Variants in ARID3C observed in about 807,000 individuals in gnomAD.
ARID3C encodes AT-rich interaction domain 3C.
A neutral mutation model predicts 37.9 loss-of-function variants in ARID3C; 42 were observed. The ratio of observed to expected loss-of-function variants is 1.11; its 90% CI spans 0.87 to 1.43. ARID3C has a LOEUF of 1.43. Among genes scored for constraint, ARID3C ranks in the 40% most tolerant of loss-of-function variants. ARID3C has a pLI of 0.00. For synonymous variants in ARID3C, 213 were observed against 228.0 expected, an observed-to-expected ratio of 0.93 and a Z score of 0.59; for missense variants, 581 against 548.8, an observed-to-expected ratio of 1.06 and a Z score of -0.59.
exon 6 of ARID3C, chr9:34,622,047 G>A: frequency 1.2e-6 from 2 of 1,614,100 alleles, no homozygotes; most frequent in Non-Finnish European, 8.5e-7. Flanking sequence ...TTGATCTCTA[G>A]GGCCATGTTG....
chr9:34,624,020 A>T (rs1395850120), exon 3 of ARID3C: 5 of 1,597,922 alleles, frequency 3.1e-6, no homozygotes, highest in Non-Finnish European at 4.3e-6. Flanking sequence ...CTGCTTCGCC[A>T]TGATGGGCAC....
At chr9:34,623,014 C>T (rs1587214725) in intron 4 of ARID3C, among the ~76,000 whole-genome samples, 2 of 151,874 alleles carry the variant, frequency 1.3e-5, no homozygotes, top group African/African-American at 4.8e-5. Context: ...GGCATGGTGG[C>T]GGGCCCCTGT....
chr9:34,622,332 C>T lies in ARID3C; in HGVS notation c.1048+15G>A. ...GTACAGTCCCGAAGCCCCCTCACAA[C>T]AAGCCCCTCCTCACCCCTCAGGGGA... On this transcript the variant is annotated intron_variant, in intron 5 of 6. Transcript: ENST00000378909. 1 of 1,594,718 alleles carries T rather than the reference C, an allele frequency of 6.3e-7. No individual in the cohort carries two copies. The highest frequency in any genetic ancestry group is 1.1e-5 in the South Asian group (1 of 87,614).
At chr9:34,622,376 A>T in exon 5 of ARID3C, 1 of 1,612,760 alleles carries the variant, frequency 6.2e-7, no homozygotes, top group Non-Finnish European at 8.5e-7. Flanking sequence ...ACGGGGCAGG[A>T]AACTGGGGGG....
At chr9:34,624,384 G>A (rs1237175549) in intron 2 of ARID3C, among the ~76,000 whole-genome samples, 2 of 152,364 alleles carry the variant, frequency 1.3e-5, no homozygotes, top group African/African-American at 4.8e-5. Flanking sequence ...TCACCAGTCT[G>A]GAGATGTTAT....
Position 34,627,827 on chromosome 9 carries a change from C to T in ARID3C, c.188G>A (p.Arg63Gln), listed in dbSNP as rs769766423. The T allele has an allele frequency of 8.7e-6, 14 of 1,611,630 alleles. No individual in the cohort carries two copies. The highest frequency in any genetic ancestry group is 2.2e-5 in the East Asian group (1 of 44,820). ...CTCCTCCTCTGCCCCGGCTTCCTCC[C>T]GCTTCTCCTCATCTTCTTCAGCATC... is the stretch of plus-strand genomic sequence containing the variant. The change falls in exon 1 of 7, where the codon CGG (arginine) becomes CAG (glutamine). Residue 63 changes from arginine to glutamine, a missense_variant. Physicochemically the swap from Arg to Gln is conservative, Grantham distance 43. Transcript: ENST00000378909.
At chr9:34,622,605 C>CAAAAGAGGT in intron 4 of ARID3C, 76 bp from the exon 6 acceptor site, 1 of 1,432,264 alleles carries the variant, frequency 7.0e-7, no homozygotes, top group Non-Finnish European at 9.4e-7. Flanking sequence ...GGCCTGGGAC[C>CAAAAGAGGT]AAAAGAGGTA....
chr9:34,624,218 A>ACAG (rs932063214), intron 2 of ARID3C, among the ~76,000 whole-genome samples, 171 bp from the exon 4 acceptor site: 3 of 110,680 alleles, frequency 2.7e-5, no homozygotes, highest in Admixed American at 1.7e-4. Context: ...GGAGGCTAGA[A>ACAG]CGGGGGGGGG....
At chr9:34,628,302 G>A (rs1358045856), upstream of ARID3C, among the ~76,000 whole-genome samples, 1 of 152,166 alleles carries the variant, frequency 6.6e-6, no homozygotes, top group African/African-American at 2.4e-5. This position sits in a 1 kb window ranked among gnomAD's most constrained non-coding sequence, Gnocchi z 5.2. Flanking sequence ...GAGGGTGACG[G>A]GGACCAAGAG....
At chr9:34,627,700 C>A in exon 1 of ARID3C, 1 of 1,608,278 alleles carries the variant, frequency 6.2e-7, no homozygotes, top group Non-Finnish European at 8.5e-7. Context: ...GTCCTACCTG[C>A]TTGAATTGTT....
In ARID3C at chr9:34,622,336, C is replaced by A; in HGVS notation, c.1048+11G>T. 4 of 1,596,236 alleles carry A rather than the reference C, an allele frequency of 2.5e-6. No homozygotes were observed. Among genetic ancestry groups the A allele is most frequent in the South Asian group, 1.1e-5 (1 of 88,004 alleles). On this transcript the variant is annotated intron_variant, in intron 5 of 6. Coordinates refer to ENST00000378909, the Ensembl canonical transcript of ARID3C. ...AGTCCCGAAGCCCCCTCACAACAAG[C>A]CCCTCCTCACCCCTCAGGGGAACCT...
chr9:34,630,628 C>T (rs540747496), upstream of ARID3C, among the ~76,000 whole-genome samples: 2 of 152,080 alleles, frequency 1.3e-5, no homozygotes, highest in Non-Finnish European at 2.9e-5. Flanking sequence ...CTCAAACCAC[C>T]GGCTCTTCTG....
At chr9:34,621,431 G>A in exon 7 of ARID3C, 1 of 1,441,658 alleles carries the variant, frequency 6.9e-7, no homozygotes, top group Non-Finnish European at 9.3e-7. Flanking sequence ...CAATGGGGCT[G>A]GGACTCTTAG....
chr9:34,627,801 C>A, exon 1 of ARID3C: 1 of 1,614,022 alleles, frequency 6.2e-7, no homozygotes, highest in East Asian at 2.2e-5. Flanking sequence ...TCCTCAGCTG[C>A]CTCCTCCTCT....
rs977783598 is a variant in ARID3C at position 34,625,449 on chromosome 9, C to A, written c.391+293G>T. On this transcript the variant is annotated intron_variant, in intron 2 of 6. Coordinates refer to ENST00000378909, the Ensembl canonical transcript of ARID3C. ...GGAGGAAGGACCCTGGACACAGAAC[C>A]AAGGCATTCTCAGCCCTCTGATTCT... is the stretch of plus-strand genomic sequence containing the variant. 1.6e-4 allele frequency among the ~76,000 whole-genome samples: 24 copies of A among 152,172 alleles called. 1 individual carries two copies. The highest frequency in any genetic ancestry group is 1.2e-3 in the South Asian group (6 of 4,834).
At position 34,627,626 on chromosome 9, in the gene ARID3C, T is replaced by C. The variant is rs1174162432; in HGVS notation, c.318+71A>G. 3.2e-5 allele frequency: 46 copies of C among 1,443,930 alleles called. No individual in the cohort carries two copies. In the South Asian group the frequency reaches 4.5e-4, roughly 14 times the overall value. The allele number at this position is 1,443,930 out of a possible 1,614,324, so 89.4% of individuals were successfully genotyped here. A position where few individuals can be genotyped will look rare whatever the true frequency, so the allele number is the denominator to read the frequency against. ...GTGGTGGGGGTGGGTGGGCTGCTAA[T>C]CACCTGGCTGTGCTTTTGCCAGAAG... is the stretch of plus-strand genomic sequence containing the variant. On this transcript the variant is annotated intron_variant, in intron 1 of 6. Transcript: ENST00000378909.
At chr9:34,623,804 C>G in intron 3 of ARID3C, 60 bp downstream of exon 4, 2 of 1,506,588 alleles carry the variant, frequency 1.3e-6, no homozygotes, top group Non-Finnish European at 1.8e-6. Context: ...GGACCCTCCC[C>G]CCTCCCGCCC....
Position 34,621,532 on chromosome 9 carries a change from C to CA in ARID3C, c.1164dup (p.Val389CysfsTer30). On this transcript the variant is annotated frameshift_variant, in exon 7 of 7. Transcript: ENST00000378909. LOFTEE classifies it high-confidence loss of function. ...TTGGTTGGACCCTGGGAAGCTGGCA[C>CA]AGGCTGGCGGCGGGCAAAGAGGACA... The CA allele has an allele frequency of 1.9e-6, 3 of 1,563,060 alleles. No homozygotes were observed. The highest frequency in any genetic ancestry group is 2.6e-6 in the Non-Finnish European group (3 of 1,163,534).
chr9:34,621,272 G>A, downstream of ARID3C: 4 of 480,156 alleles, frequency 8.3e-6, 1 homozygote, highest in South Asian at 1.5e-4. Flanking sequence ...GGGAGGAGGT[G>A]CCCTCCCTTT....
Sources: allele counts gnomAD v4.1 joint callset (sites outside exome capture counted in the v4.1 genomes callset), GRCh38; gene constraint gnomAD v4.1.1; non-coding constraint Gnocchi (gnomAD v3.1); transcripts MANE v1.5; gene names NCBI Gene and HGNC (gene_info 2026-07-23, HGNC 2026-07-21).